The following WDR76 variants were observed in gnomAD, a reference collection of about 807,000 sequenced individuals.
WDR76 encodes WD repeat-containing protein 76.
In WDR76, 52 loss-of-function variants were observed where a neutral mutation model predicts 70.2. That is an observed-to-expected ratio of 0.74 (90% CI 0.59 to 0.93). WDR76 has a LOEUF of 0.93. Among genes scored for constraint, WDR76 ranks in the 40% least tolerant of loss-of-function variants. The pLI is 0.00. For missense variants in WDR76, 756 were observed against 760.2 expected (o/e 0.99, Z 0.07); for synonymous variants, 292 against 271.1 (o/e 1.08, Z -0.76).
Position 43,827,041 on chromosome 15 carries a change from G to T in WDR76, c.9G>T (p.Arg3Ser). MS[R>S]SGAAAEKADS... ...CGCTAAGAAGCCGAAAGATGTCCAG[G>T]TCGGGCGCGGCGGCTGAGAAGGCGG... Residue 3 changes from arginine (R) to serine (S), a missense_variant, in exon 1 of 13, where the codon AGG becomes AGT. Coordinates refer to ENST00000263795, the MANE Select transcript of WDR76 (RefSeq NM_024908.4). 1 of 1,614,124 alleles carries T rather than the reference G, an allele frequency of 6.2e-7. No homozygotes were observed. Among genetic ancestry groups the T allele is most frequent in the Non-Finnish European group, 8.5e-7 (1 of 1,180,026 alleles).
Position 43,833,886 on chromosome 15 carries a change from C to A in WDR76, c.463-1175C>A, listed in dbSNP as rs565206687. Among the ~76,000 whole-genome samples the A allele has an allele frequency of 3.3e-5, 5 of 152,236 alleles. No individual in the cohort carries two copies. In the East Asian group the frequency reaches 5.8e-4, roughly 18 times the overall value. On this transcript the variant is annotated intron_variant, in intron 2 of 12. Coordinates refer to ENST00000263795, the MANE Select transcript of WDR76 (RefSeq NM_024908.4). ...TCCTGACCTGGTGATCTGCCTGCCTCGGCCTCTCAAAGTGCTAGGATTACA... is the reference window on the plus strand; with the variant it reads ...TCCTGACCTGGTGATCTGCCTGCCTAGGCCTCTCAAAGTGCTAGGATTACA...
In WDR76 at chr15:43,827,063, G is replaced by A. The variant is rs2087525808; in HGVS notation, c.31G>A (p.Ala11Thr). The A allele has an allele frequency of 6.2e-7, 1 of 1,614,032 alleles. No homozygotes were observed. Among genetic ancestry groups the A allele is most frequent in the Admixed American group, 1.7e-5 (1 of 60,008 alleles). The change falls in exon 1 of 13, where the codon GCG becomes ACG. Residue 11 changes from alanine to threonine, a missense_variant. Ala to Thr is a moderately conservative substitution (Grantham distance 58). Transcript: ENST00000263795. ...CAGGTCGGGCGCGGCGGCTGAGAAG[G>A]CGGACTCCAGACAGCGACCCCAGAT... MSRSGAAAEKADSRQRPQMKV... is the reference protein window; with the variant it reads MSRSGAAAEKTDSRQRPQMKV...
intron 5 of WDR76, among the ~76,000 whole-genome samples, chr15:43,840,194 G>T (rs918750435): frequency 6.6e-6 from 1 of 152,010 alleles, no homozygotes; most frequent in African/African-American, 2.4e-5. Context: ...TTTCGAAGTC[G>T]TAAAGACTGT....
intron 3 of WDR76, 131 bp from the exon 4 acceptor site, chr15:43,836,030 A>T (rs187708992): frequency 2.9e-6 from 2 of 699,040 alleles, no homozygotes; most frequent in African/African-American, 3.7e-5. Context: ...ATCATGACTC[A>T]TGGCCTATCT....
At chr15:43,860,968 T>C (rs1156707509) in intron 11 of WDR76, among the ~76,000 whole-genome samples, 2 of 135,376 alleles carry the variant, frequency 1.5e-5, no homozygotes, top group Non-Finnish European at 3.1e-5. Flanking sequence ...TTGCTCAGGC[T>C]GGAGTGCAGT....
intron 2 of WDR76, among the ~76,000 whole-genome samples, chr15:43,830,522 G>A (rs1375489246): frequency 2.1e-5 from 3 of 141,460 alleles, no homozygotes; most frequent in African/African-American, 8.0e-5. Flanking sequence ...AGATCGTGCT[G>A]TTGCACTCCA....
At position 43,866,622 on chromosome 15, in the gene WDR76, CTTTT is replaced by C. The variant is rs5812253; in HGVS notation, c.*248_*251del. 0.015 allele frequency: 1,886 copies of C among 123,434 alleles called. No homozygotes were observed. Among genetic ancestry groups the C allele is most frequent in the East Asian group, 0.028 (170 of 5,990 alleles). The allele number at this position is 123,434 out of a possible 1,614,324, so 7.6% of individuals were successfully genotyped here. ...AGGGGAGGCTGAGGTGCCGTCAGGACTTTTTTTTTTTTTTTTTTTTTGAGATGGA... is the reference window on the plus strand; with the variant it reads ...AGGGGAGGCTGAGGTGCCGTCAGGACTTTTTTTTTTTTTTTTTGAGATGGA... On this transcript the variant is annotated 3_prime_UTR_variant, in exon 13 of 13. Transcript: ENST00000263795.
At chr15:43,861,025 ATCT>A (rs2087990864) in intron 11 of WDR76, among the ~76,000 whole-genome samples, 1 of 140,422 alleles carries the variant, frequency 7.1e-6, no homozygotes, top group African/African-American at 2.7e-5. Context: ...GGCTCAAGTG[ATCT>A]TCTCACCTCA....
intron 9 of WDR76, among the ~76,000 whole-genome samples, chr15:43,853,480 C>T (rs964053986): frequency 1.6e-4 from 24 of 152,094 alleles, no homozygotes; most frequent in African/African-American, 5.6e-4. Flanking sequence ...CATGAGCCAC[C>T]GCGCCTGGCT....
intron 4 of WDR76, among the ~76,000 whole-genome samples, chr15:43,838,482 G>C (rs922978207): frequency 6.6e-6 from 1 of 152,166 alleles, no homozygotes; most frequent in Non-Finnish European, 1.5e-5. Flanking sequence ...CACTGTGCCT[G>C]GCTATTGATT....
intron 12 of WDR76, among the ~76,000 whole-genome samples, chr15:43,862,128 G>A (rs898455205): frequency 2.0e-5 from 3 of 151,744 alleles, no homozygotes; most frequent in African/African-American, 7.3e-5. Context: ...AAGCCACGGC[G>A]CCTGGCCTTG....
At chr15:43,836,332 C>T (rs1429589807) in intron 4 of WDR76, 116 bp downstream of exon 4, 10 of 808,762 alleles carry the variant, frequency 1.2e-5, no homozygotes, top group South Asian at 7.9e-5. Context: ...TATTTAATCT[C>T]AGTCCCTCTA....
At chr15:43,850,495 C>T (rs2087843803) in intron 8 of WDR76, among the ~76,000 whole-genome samples, 4 of 151,768 alleles carry the variant, frequency 2.6e-5, no homozygotes, top group African/African-American at 4.8e-5. Flanking sequence ...TGGGGTTTCA[C>T]CATGTTAGCC....
At chr15:43,865,096 A>G (rs1022590826) in intron 12 of WDR76, among the ~76,000 whole-genome samples, 3 of 149,114 alleles carry the variant, frequency 2.0e-5, no homozygotes, top group Non-Finnish European at 3.0e-5. Context: ...TAATTTTTGT[A>G]TTTTTATTTT....
chr15:43,851,718 C>G (rs748979083), intron 9 of WDR76, among the ~76,000 whole-genome samples: 1 of 152,064 alleles, frequency 6.6e-6, no homozygotes, highest in Non-Finnish European at 1.5e-5. Flanking sequence ...AGACTCACTT[C>G]AGGCCAGGAG....
At position 43,866,196 on chromosome 15, in the gene WDR76, G is replaced by C. The variant is rs146664124; in HGVS notation, c.1685G>C (p.Cys562Ser). 204 of 1,614,186 alleles carry C rather than the reference G, an allele frequency of 1.3e-4. No individual in the cohort carries two copies. In the Middle Eastern group the frequency reaches 1.8e-3, roughly 14 times the overall value. Residue 562 changes from cysteine (C) to serine (S), a missense_variant, in exon 13 of 13, where the codon TGT becomes TCT. By Grantham distance (112) the Cys-to-Ser change is moderately radical. Coordinates refer to ENST00000263795, the MANE Select transcript of WDR76 (RefSeq NM_024908.4). ...QAMWDPKQEDCVIVGSMAHPR... is the reference protein window; with the variant it reads ...QAMWDPKQEDSVIVGSMAHPR... ...ATGTGGGATCCTAAACAAGAAGACTGTGTCATAGTTGGCAGCATGGCCCAT... is the reference window on the plus strand; with the variant it reads ...ATGTGGGATCCTAAACAAGAAGACTCTGTCATAGTTGGCAGCATGGCCCAT...
At position 43,867,284 on chromosome 15, in the gene WDR76, G is replaced by GA. The variant is rs1472455364; in HGVS notation, c.*893dup. The GA allele has an allele frequency of 2.0e-5, 3 of 152,042 alleles. No individual in the cohort carries two copies. The highest frequency in any genetic ancestry group is 4.8e-5 in the African/African-American group (2 of 41,386). 9.4% of individuals were successfully genotyped at this position (152,042 alleles called of 1,614,324 possible). A position where few individuals can be genotyped will look rare whatever the true frequency, so the allele number is the denominator to read the frequency against. ...TTTGCCTTTACTCTAGATGGCTCCT[G>GA]AGACACAGGCAGGACTCCCAAGCAC... On this transcript the variant is annotated 3_prime_UTR_variant, in exon 13 of 13. Transcript: ENST00000263795.
chr15:43,839,593 C>T lies in WDR76; in HGVS notation c.609-12C>T. ...TTGTGAGTATAACATGAGTTTTTCC[C>T]CACTCCTTTAGAAAGAAGCCTAAGA... is the stretch of plus-strand genomic sequence containing the variant. On this transcript the variant is annotated splice_polypyrimidine_tract_variant and intron_variant, in intron 4 of 12. Transcript: ENST00000263795. The T allele has an allele frequency of 6.3e-7, 1 of 1,593,548 alleles. No individual in the cohort carries two copies. Among genetic ancestry groups the T allele is most frequent in the Non-Finnish European group, 8.5e-7 (1 of 1,171,346 alleles).
intron 2 of WDR76, among the ~76,000 whole-genome samples, chr15:43,832,860 C>T (rs1257141805): frequency 7.0e-6 from 1 of 141,992 alleles, no homozygotes; most frequent in East Asian, 2.3e-4. Flanking sequence ...TCAAGCAACT[C>T]TTGTGCCTCA....
Sources: gnomAD v4.1 joint callset for allele counts (sites outside exome capture counted in the v4.1 genomes callset) on GRCh38, gnomAD v4.1.1 for gene constraint, MANE v1.5 for transcripts, NCBI Gene and HGNC (gene_info 2026-07-23, HGNC 2026-07-21) for gene names.